Variants in RNF175 observed in about 807,000 individuals in gnomAD.
RNF175 encodes ring finger protein 175.
A neutral mutation model predicts 50.0 loss-of-function variants in RNF175; 38 were observed. The ratio of observed to expected loss-of-function variants is 0.76; its 90% CI spans 0.59 to 1.00. The LOEUF is 1.00. Among genes scored for constraint, RNF175 ranks in the 50% least tolerant of loss-of-function variants. RNF175 has a pLI of 0.00. For missense variants in RNF175, 388 were observed against 409.6 expected (o/e 0.95, Z 0.46); for synonymous variants, 155 against 146.1 (o/e 1.06, Z -0.44).
intron 5 of RNF175, chr4:153,723,119 C>T: frequency 3.5e-6 from 1 of 283,840 alleles, no homozygotes; most frequent in Non-Finnish European, 6.8e-6. Context: ...ATTTGCAGAC[C>T]AAATATAAAT....
At chr4:153,725,191 G>A (rs778527508) in intron 4 of RNF175, among the ~76,000 whole-genome samples, 13 of 152,108 alleles carry the variant, frequency 8.5e-5, no homozygotes, top group Non-Finnish European at 1.5e-4. Context: ...GAAGTTGGCT[G>A]AAATTACTGT....
intron 3 of RNF175, chr4:153,729,587 G>C (rs758257482): frequency 3.2e-5 from 25 of 779,354 alleles, no homozygotes; most frequent in Non-Finnish European, 3.7e-5. Context: ...AAAGCTCTTG[G>C]ACAGGACTTC....
chr4:153,719,311 T>C (rs1446550278), intron 6 of RNF175, among the ~76,000 whole-genome samples: 4 of 152,222 alleles, frequency 2.6e-5, no homozygotes, highest in African/African-American at 9.6e-5. Context: ...CTGCATAGTA[T>C]TCCATGGTGT....
chr4:153,740,958 T>G (rs1355320473), intron 3 of RNF175, among the ~76,000 whole-genome samples: 1 of 152,230 alleles, frequency 6.6e-6, no homozygotes, highest in Non-Finnish European at 1.5e-5. Context: ...TTTCTGTCTC[T>G]GCTGTTGTCT....
intron 1 of RNF175, among the ~76,000 whole-genome samples, chr4:153,759,437 C>CGAGGAGG (rs1457869084): frequency 1.3e-5 from 2 of 152,108 alleles, no homozygotes; most frequent in Non-Finnish European, 2.9e-5. Context: ...GGGCTTCCGC[C>CGAGGAGG]GAGGAGGGAG....
intron 2 of RNF175, among the ~76,000 whole-genome samples, chr4:153,749,361 C>T (rs1473049012): frequency 2.6e-5 from 4 of 152,122 alleles, no homozygotes; most frequent in African/African-American, 4.8e-5. Flanking sequence ...AACAGTCAAA[C>T]GTTGGTAATT....
chr4:153,712,937 C>T (rs571886886), intron 7 of RNF175: 1 of 177,582 alleles, frequency 5.6e-6, no homozygotes, highest in African/African-American at 2.4e-5. Flanking sequence ...GTTTCTCAGG[C>T]ATTTACCGTA....
intron 6 of RNF175, among the ~76,000 whole-genome samples, chr4:153,718,221 TGTTTGTTTGTTTGTTTG>T (rs1738082475): frequency 1.9e-4 from 10 of 53,996 alleles, no homozygotes; most frequent in African/African-American, 5.2e-4. Flanking sequence ...TTTTTTTGTT[TGTTTGTTTGTTTGTTTG>T]TTTTTTTTTT....
chr4:153,729,338 G>A (rs533969515), intron 3 of RNF175, among the ~76,000 whole-genome samples: 3 of 152,216 alleles, frequency 2.0e-5, no homozygotes, highest in African/African-American at 7.2e-5. Context: ...CCTGGATCCT[G>A]GTTCAGTGGT....
intron 3 of RNF175, among the ~76,000 whole-genome samples, chr4:153,742,727 C>T (rs1383482243): frequency 6.6e-6 from 1 of 151,918 alleles, no homozygotes; most frequent in East Asian, 1.9e-4. Context: ...AAAATAATTA[C>T]CTCTCAAGGT....
chr4:153,754,610 G>C (rs565535182), intron 1 of RNF175, among the ~76,000 whole-genome samples: 4 of 152,332 alleles, frequency 2.6e-5, no homozygotes, highest in African/African-American at 9.6e-5. Context: ...TCTGGCAATA[G>C]GGTATTTGCA....
At chr4:153,722,423 A>G (rs572892649) in intron 5 of RNF175, among the ~76,000 whole-genome samples, 3 of 152,224 alleles carry the variant, frequency 2.0e-5, no homozygotes, top group African/African-American at 7.2e-5. Context: ...CATGTTTTCT[A>G]TCCTTCAAAT....
chr4:153,720,124 A>C, intron 6 of RNF175, 60 bp downstream of exon 6: 1 of 1,565,398 alleles, frequency 6.4e-7, no homozygotes, highest in Non-Finnish European at 8.8e-7. Flanking sequence ...GCAGACATGT[A>C]AGATGAGACC....
intron 4 of RNF175, among the ~76,000 whole-genome samples, chr4:153,724,496 C>T (rs998238729): frequency 2.0e-5 from 3 of 152,204 alleles, no homozygotes; most frequent in African/African-American, 7.2e-5. Flanking sequence ...CTCTTGGAGT[C>T]TCTTTCCTGC....
chr4:153,750,783 AATTAAC>A (rs1435900739), intron 2 of RNF175, among the ~76,000 whole-genome samples: 4 of 151,990 alleles, frequency 2.6e-5, no homozygotes, highest in Non-Finnish European at 5.9e-5. Flanking sequence ...TATTCTATAT[AATTAAC>A]AGACTTTGAA....
chr4:153,711,509 G>C (rs1431738362), intron 8 of RNF175, among the ~76,000 whole-genome samples: 2 of 152,238 alleles, frequency 1.3e-5, no homozygotes, highest in African/African-American at 4.8e-5. Flanking sequence ...AGTAGCCATT[G>C]TTAAACCATA....
At chr4:153,729,617 C>G in intron 3 of RNF175, 1 of 967,748 alleles carries the variant, frequency 1.0e-6, no homozygotes, top group African/African-American at 1.8e-5. Context: ...ATGAGAAAGG[C>G]AAGACCACAG....
intron 3 of RNF175, among the ~76,000 whole-genome samples, chr4:153,730,512 G>A (rs1279742608): frequency 6.6e-6 from 1 of 152,092 alleles, no homozygotes; most frequent in Non-Finnish European, 1.5e-5. Context: ...TTTGGAGATA[G>A]TTCTTTATCA....
chr4:153,723,407 A>G lies in RNF175; in HGVS notation c.453T>C (p.Gly151=), dbSNP rs753964654. 3 of 1,609,118 alleles carry G rather than the reference A, an allele frequency of 1.9e-6. No homozygotes were observed. The highest frequency in any genetic ancestry group is 2.6e-6 in the Non-Finnish European group (3 of 1,175,858). ...ACATGATCGCCAAGTAACCCACAAC[A>G]CCAAATGCATAGCTGAGTTTGTAGA... ...LLIYKLSYAF[G]VVGYLAIMFT... The change falls in exon 5 of 9, where the codon GGT becomes GGC. Residue 151 remains glycine, a synonymous_variant. Coordinates refer to ENST00000347063, the MANE Select transcript of RNF175 (RefSeq NM_173662.4).
Sources: gnomAD v4.1 joint callset for allele counts (sites outside exome capture counted in the v4.1 genomes callset) on GRCh38, gnomAD v4.1.1 for gene constraint, MANE v1.5 for transcripts, NCBI Gene and HGNC (gene_info 2026-07-23, HGNC 2026-07-21) for gene names.